Variants in MRTFB observed in about 807,000 individuals in gnomAD.
MRTFB encodes myocardin-related transcription factor B.
In MRTFB, 29 loss-of-function variants were observed where a neutral mutation model predicts 104.2. That is an observed-to-expected ratio of 0.28 (90% CI 0.21 to 0.38). The LOEUF (loss-of-function observed/expected upper bound fraction) is 0.38, where lower values mean the gene tolerates loss of function less well. Among genes scored for constraint, MRTFB ranks in the 10% least tolerant of loss-of-function variants. The pLI is 1.00. For missense variants in MRTFB, 1,270 were observed against 1,341.6 expected (o/e 0.95, Z 0.83); for synonymous variants, 535 against 519.5 (o/e 1.03, Z -0.41).
the MRTFB span, among the ~76,000 whole-genome samples, chr16:14,063,225 C>A: frequency 3.3e-5 from 5 of 152,166 alleles, no homozygotes; most frequent in African/African-American, 1.2e-4. Flanking sequence ...GCTCACAACA[C>A]CCTTCTGCTT....
chr16:14,033,433 G>A, the MRTFB span, among the ~76,000 whole-genome samples: 1 of 152,052 alleles, frequency 6.6e-6, no homozygotes, highest in African/African-American at 2.4e-5. Context: ...TGCGGTCTCA[G>A]CTGCTTGGGA....
chr16:14,212,830 A>G (rs1360432332), intron 5 of MRTFB, among the ~76,000 whole-genome samples: 1 of 152,210 alleles, frequency 6.6e-6, no homozygotes, highest in Non-Finnish European at 1.5e-5. Context: ...GACCAACGGT[A>G]GGGGAAGATG....
chr16:14,211,787 A>G (rs1313216144), intron 4 of MRTFB, among the ~76,000 whole-genome samples: 2 of 152,072 alleles, frequency 1.3e-5, no homozygotes, highest in Non-Finnish European at 2.9e-5. Flanking sequence ...TTTAAATACC[A>G]CTTTGACCAC....
chr16:14,215,533 C>T (rs982068345), intron 6 of MRTFB, among the ~76,000 whole-genome samples: 1 of 152,190 alleles, frequency 6.6e-6, no homozygotes, highest in Non-Finnish European at 1.5e-5. Flanking sequence ...TATTTTCTTT[C>T]CATACATATT....
chr16:14,072,003 C>T (rs944783391), intron 1 of MRTFB, among the ~76,000 whole-genome samples: 7 of 152,158 alleles, frequency 4.6e-5, no homozygotes, highest in Non-Finnish European at 1.0e-4. Context: ...TTGTTTGGCC[C>T]TGCTTGGAAG....
chr16:14,159,011 T>A (rs1273607291), intron 3 of MRTFB, among the ~76,000 whole-genome samples: 2 of 151,124 alleles, frequency 1.3e-5, no homozygotes, highest in East Asian at 3.9e-4. Flanking sequence ...TGTTGTGACT[T>A]ATGCCTGTGG....
chr16:14,149,139 T>C (rs1435000688), intron 3 of MRTFB: 3 of 152,224 alleles, frequency 2.0e-5, no homozygotes, highest in Non-Finnish European at 4.4e-5. Context: ...GGTTGGCACG[T>C]ATGCGTTAAG....
At chr16:14,186,189 G>A (rs1165552845) in intron 3 of MRTFB, among the ~76,000 whole-genome samples, 2 of 152,220 alleles carry the variant, frequency 1.3e-5, no homozygotes, top group Non-Finnish European at 2.9e-5. Context: ...ATTACAAAGA[G>A]CATCAGCTTT....
intron 3 of MRTFB, among the ~76,000 whole-genome samples, chr16:14,183,229 T>G (rs1452541333): frequency 6.6e-6 from 1 of 152,146 alleles, no homozygotes; most frequent in Non-Finnish European, 1.5e-5. Flanking sequence ...TGAAAATGTA[T>G]CACCAGAACC....
chr16:14,031,449 A>C, the MRTFB span, among the ~76,000 whole-genome samples: 1 of 151,952 alleles, frequency 6.6e-6, no homozygotes, highest in Non-Finnish European at 1.5e-5. Context: ...AACATTTATC[A>C]TTTTAACAGT....
At chr16:14,091,620 G>GAGCC (rs2035069379) in intron 2 of MRTFB, among the ~76,000 whole-genome samples, 1 of 152,160 alleles carries the variant, frequency 6.6e-6, no homozygotes, top group Admixed American at 6.5e-5. Flanking sequence ...TGTTCTGGCA[G>GAGCC]AGCCATCTGT....
chr16:14,168,550 A>G (rs1025071991), intron 3 of MRTFB, among the ~76,000 whole-genome samples: 3 of 152,178 alleles, frequency 2.0e-5, no homozygotes, highest in Non-Finnish European at 4.4e-5. Flanking sequence ...AGATTCATTA[A>G]TGTTGTATGT....
At chr16:14,112,437 G>T (rs1410315010) in intron 2 of MRTFB, among the ~76,000 whole-genome samples, 1 of 152,224 alleles carries the variant, frequency 6.6e-6, no homozygotes, top group Non-Finnish European at 1.5e-5. Context: ...AGGAAGAGTG[G>T]TTTGGAAACA....
the MRTFB span, among the ~76,000 whole-genome samples, chr16:14,024,150 T>C: frequency 6.6e-6 from 1 of 152,190 alleles, no homozygotes; most frequent in Non-Finnish European, 1.5e-5. Flanking sequence ...CCTATTGGTG[T>C]TGTTCACAGC....
At chr16:14,017,635 A>ATATG in the MRTFB span, among the ~76,000 whole-genome samples, 2 of 32,540 alleles carry the variant, frequency 6.1e-5, 1 homozygote, top group African/African-American at 2.1e-4. Flanking sequence ...ATATATATAT[A>ATATG]TATATGTATA....
At chr16:14,103,518 G>T (rs1196303810) in intron 2 of MRTFB, among the ~76,000 whole-genome samples, 1 of 152,148 alleles carries the variant, frequency 6.6e-6, no homozygotes, top group Non-Finnish European at 1.5e-5. Flanking sequence ...ACTCAGTGCT[G>T]ATTAGATTCA....
At chr16:14,211,993 C>G (rs2041209692) in intron 4 of MRTFB, among the ~76,000 whole-genome samples, 1 of 152,178 alleles carries the variant, frequency 6.6e-6, no homozygotes, top group Admixed American at 6.5e-5. Flanking sequence ...CTCCCAAGGA[C>G]ATACGGACTT....
chr16:14,033,641 C>T, the MRTFB span, among the ~76,000 whole-genome samples: 23 of 151,748 alleles, frequency 1.5e-4, no homozygotes, highest in African/African-American at 5.6e-4. Context: ...AGTTTGAAAC[C>T]AGCCTGGCCT....
chr16:14,038,526 G>A, the MRTFB span, among the ~76,000 whole-genome samples: 1 of 152,188 alleles, frequency 6.6e-6, no homozygotes, highest in Non-Finnish European at 1.5e-5. Flanking sequence ...GGAAGAAAGT[G>A]TTTGATTTAG....
Sources: gnomAD v4.1 joint callset for allele counts (sites outside exome capture counted in the v4.1 genomes callset) on GRCh38, gnomAD v4.1.1 for gene constraint, MANE v1.5 for transcripts, NCBI Gene and HGNC (gene_info 2026-07-23, HGNC 2026-07-21) for gene names.